Variants in MSRA observed in about 807,000 individuals in gnomAD.
MSRA encodes methionine sulfoxide reductase A.
MSRA carries 54 observed loss-of-function variants against 31.3 expected under a neutral mutation model. That is an observed-to-expected ratio of 1.73 (90% CI 1.39 to 2.17). The LOEUF (loss-of-function observed/expected upper bound fraction) is 2.17, where lower values mean the gene tolerates loss of function less well. Among genes scored for constraint, MSRA ranks in the 30% most tolerant of loss-of-function variants. MSRA has a pLI of 0.00. For synonymous variants in MSRA, 169 were observed against 116.5 expected, an observed-to-expected ratio of 1.45 and a Z score of -2.90; for missense variants, 507 against 300.9, an observed-to-expected ratio of 1.69 and a Z score of -5.07.
At chr8:10,261,954 G>T (rs980960318) in intron 3 of MSRA, among the ~76,000 whole-genome samples, 1 of 152,274 alleles carries the variant, frequency 6.6e-6, no homozygotes, top group Non-Finnish European at 1.5e-5. Context: ...TGTGTGATTC[G>T]AGAATGGGTG....
At chr8:10,306,339 A>G (rs1039964717) in intron 4 of MSRA, among the ~76,000 whole-genome samples, 6 of 152,244 alleles carry the variant, frequency 3.9e-5, no homozygotes, top group Admixed American at 1.3e-4. Flanking sequence ...TATAGGTGCC[A>G]TGCCAGTGCC....
intron 1 of MSRA, among the ~76,000 whole-genome samples, chr8:10,082,849 A>G (rs763597140): frequency 1.9e-4 from 29 of 152,210 alleles, no homozygotes; most frequent in Non-Finnish European, 1.2e-4. Flanking sequence ...GCACCCACCA[A>G]AGTGCCGTGA....
chr8:10,254,331 C>G (rs1798067957), intron 3 of MSRA, among the ~76,000 whole-genome samples: 1 of 152,088 alleles, frequency 6.6e-6, no homozygotes, highest in Non-Finnish European at 1.5e-5. Context: ...CTTCCTCCTG[C>G]TTCCCCTCTC....
chr8:10,189,237 T>A (rs377413205), intron 1 of MSRA, among the ~76,000 whole-genome samples: 1 of 152,232 alleles, frequency 6.6e-6, no homozygotes, highest in Non-Finnish European at 1.5e-5. Context: ...GGTAAACTTT[T>A]TAGTACAAAT....
At chr8:10,189,597 G>C (rs537187796) in intron 1 of MSRA, among the ~76,000 whole-genome samples, 4 of 152,214 alleles carry the variant, frequency 2.6e-5, no homozygotes, top group South Asian at 2.1e-4. Context: ...GAGTTGATCA[G>C]ATTTTTTTTC....
intron 5 of MSRA, among the ~76,000 whole-genome samples, chr8:10,366,210 T>G (rs189866824): frequency 1.2e-4 from 19 of 152,348 alleles, no homozygotes; most frequent in Non-Finnish European, 1.3e-4. Flanking sequence ...GCTTCATGTT[T>G]CGTTTAGGGA....
intron 3 of MSRA, among the ~76,000 whole-genome samples, chr8:10,251,802 A>G (rs1234623064): frequency 1.3e-5 from 2 of 150,544 alleles, no homozygotes; most frequent in African/African-American, 4.9e-5. Context: ...AACCTCAATC[A>G]CCAGAAATAG....
intron 5 of MSRA, among the ~76,000 whole-genome samples, chr8:10,376,216 A>C (rs938984565): frequency 2.6e-5 from 4 of 152,198 alleles, no homozygotes; most frequent in African/African-American, 9.7e-5. Context: ...CCACTTGTAC[A>C]TGGGCGATCA....
intron 5 of MSRA, among the ~76,000 whole-genome samples, chr8:10,396,811 C>T (rs113440294): frequency 2.6e-5 from 4 of 152,304 alleles, no homozygotes; most frequent in African/African-American, 9.6e-5. Context: ...CCCAGTAAAG[C>T]CGATGGTCTG....
At chr8:10,345,806 A>C (rs969390891) in intron 5 of MSRA, among the ~76,000 whole-genome samples, 2 of 152,206 alleles carry the variant, frequency 1.3e-5, no homozygotes, top group African/African-American at 4.8e-5. Flanking sequence ...AGGCACTAGG[A>C]GGAGACTAAA....
intron 5 of MSRA, among the ~76,000 whole-genome samples, chr8:10,358,565 C>CTTTTTTTTTTTTT (rs59106668): frequency 3.1e-5 from 2 of 63,998 alleles, no homozygotes; most frequent in Non-Finnish European, 2.6e-5. Flanking sequence ...GCATTAGATT[C>CTTTTTTTTTTTTT]TTTTTTTTTT....
chr8:10,423,681 C>G (rs1042470448), intron 5 of MSRA, among the ~76,000 whole-genome samples: 1 of 152,196 alleles, frequency 6.6e-6, no homozygotes, highest in Middle Eastern at 3.2e-3. Flanking sequence ...CCTGCAAGGA[C>G]ACAGCACCAC....
At chr8:10,364,053 A>T (rs914427103) in intron 5 of MSRA, among the ~76,000 whole-genome samples, 1 of 152,166 alleles carries the variant, frequency 6.6e-6, no homozygotes, top group Non-Finnish European at 1.5e-5. Flanking sequence ...TGCCAGAGAA[A>T]ACGGTCCACA....
chr8:10,416,426 G>C (rs1001212294), intron 5 of MSRA, among the ~76,000 whole-genome samples: 9 of 152,232 alleles, frequency 5.9e-5, no homozygotes, highest in Admixed American at 1.3e-4. Flanking sequence ...GATTCCATCG[G>C]GCCGTGGTGC....
intron 3 of MSRA, among the ~76,000 whole-genome samples, chr8:10,280,636 G>T (rs1799571337): frequency 6.6e-6 from 1 of 152,088 alleles, no homozygotes; most frequent in Non-Finnish European, 1.5e-5. Flanking sequence ...TAAACATAGG[G>T]TTAGTCTATG....
intron 5 of MSRA, among the ~76,000 whole-genome samples, chr8:10,415,967 T>C (rs776194167): frequency 2.6e-5 from 4 of 152,096 alleles, no homozygotes; most frequent in Non-Finnish European, 4.4e-5. Flanking sequence ...GTGGTGGATA[T>C]TCACAGTCCC....
chr8:10,397,764 T>G (rs113319112), intron 5 of MSRA, among the ~76,000 whole-genome samples: 2 of 152,250 alleles, frequency 1.3e-5, no homozygotes, highest in African/African-American at 4.8e-5. Context: ...GTTGGAATAT[T>G]CAATATCTGG....
intron 2 of MSRA, among the ~76,000 whole-genome samples, chr8:10,240,684 G>A (rs371315688): frequency 1.2e-4 from 18 of 152,208 alleles, no homozygotes; most frequent in African/African-American, 4.3e-4. Context: ...CCTGAACTTG[G>A]GCTATTCTTC....
chr8:10,089,823 A>G (rs796169749), intron 1 of MSRA, among the ~76,000 whole-genome samples: 25 of 152,308 alleles, frequency 1.6e-4, no homozygotes, highest in African/African-American at 5.5e-4. Flanking sequence ...GTCTCAGGGA[A>G]CGAATCTATT....
Sources: gnomAD v4.1 joint callset for allele counts (sites outside exome capture counted in the v4.1 genomes callset) on GRCh38, gnomAD v4.1.1 for gene constraint, MANE v1.5 for transcripts, NCBI Gene and HGNC (gene_info 2026-07-23, HGNC 2026-07-21) for gene names.